The following MYO10 variants were observed in gnomAD, a reference collection of about 807,000 sequenced individuals.
MYO10 encodes the protein unconventional myosin-X.
MYO10 carries 133 observed loss-of-function variants against 257.3 expected under a neutral mutation model. The ratio of observed to expected loss-of-function variants is 0.52; its 90% CI spans 0.45 to 0.60. The LOEUF (loss-of-function observed/expected upper bound fraction) is 0.60. Ranked by LOEUF, MYO10 falls within the 20% of genes least tolerant of loss-of-function variation. The probability of loss-of-function intolerance (pLI) is 0.00; values close to 1 mark genes in which losing one functional copy is unlikely to be tolerated. For missense variants in MYO10, 2,399 were observed against 2,635.7 expected (o/e 0.91, Z 1.97); for synonymous variants, 1,104 against 1,028.6 (o/e 1.07, Z -1.40).
chr5:16,758,415 GT>G (rs1283619052), intron 17 of MYO10, among the ~76,000 whole-genome samples, 189 bp from the exon 18 acceptor site: 1 of 152,298 alleles, frequency 6.6e-6, no homozygotes, highest in Non-Finnish European at 1.5e-5. Flanking sequence ...CTGAAAACAC[GT>G]GGCAGTGTCA....
intron 4 of MYO10, among the ~76,000 whole-genome samples, chr5:16,787,083 C>T (rs2126674519): frequency 6.6e-6 from 1 of 152,238 alleles, no homozygotes; most frequent in South Asian, 2.1e-4. Flanking sequence ...GCAGGAGAAT[C>T]ACTTGAATCC....
At chr5:16,830,171 G>A (rs1743122841) in intron 2 of MYO10, among the ~76,000 whole-genome samples, 1 of 151,964 alleles carries the variant, frequency 6.6e-6, no homozygotes, top group African/African-American at 2.4e-5. Context: ...AGGAGGCAGA[G>A]GTTGCAGTGA....
chr5:16,888,292 T>C (rs1379558535), intron 1 of MYO10, among the ~76,000 whole-genome samples: 1 of 151,412 alleles, frequency 6.6e-6, no homozygotes, highest in African/African-American at 2.5e-5. Context: ...ACTTTGGGAG[T>C]CCAAGGTGGG....
chr5:16,782,472 A>G (rs770512374), intron 5 of MYO10, among the ~76,000 whole-genome samples: 1 of 152,216 alleles, frequency 6.6e-6, no homozygotes, highest in Non-Finnish European at 1.5e-5. Flanking sequence ...AGTTTTGGAG[A>G]CAGATGGCAG....
chr5:16,725,839 G>A (rs936979560), intron 19 of MYO10, among the ~76,000 whole-genome samples: 1 of 150,874 alleles, frequency 6.6e-6, no homozygotes, highest in African/African-American at 2.4e-5. Flanking sequence ...CCATGCTGGA[G>A]TGCAGTGGCG....
At chr5:16,802,170 G>A (rs1742137766) in intron 3 of MYO10, among the ~76,000 whole-genome samples, 1 of 152,156 alleles carries the variant, frequency 6.6e-6, no homozygotes, top group South Asian at 2.1e-4. Context: ...GGTTGCCAGG[G>A]GCTGGAGATG....
At chr5:16,680,703 T>C (rs1462705316) in intron 32 of MYO10, among the ~76,000 whole-genome samples, 2 of 152,240 alleles carry the variant, frequency 1.3e-5, no homozygotes, top group African/African-American at 4.8e-5. Flanking sequence ...CTAAGTTACC[T>C]GTGTACTTTC....
At chr5:16,862,906 A>G (rs1744146917) in intron 2 of MYO10, among the ~76,000 whole-genome samples, 1 of 152,196 alleles carries the variant, frequency 6.6e-6, no homozygotes, top group Non-Finnish European at 1.5e-5. Context: ...ATCTGGACAT[A>G]CAACAGGCTT....
chr5:16,881,389 A>C (rs1380099531), intron 1 of MYO10, among the ~76,000 whole-genome samples: 3 of 152,148 alleles, frequency 2.0e-5, no homozygotes, highest in Non-Finnish European at 4.4e-5. Context: ...AGTACTACAA[A>C]AGCCCTTTGT....
intron 2 of MYO10, among the ~76,000 whole-genome samples, chr5:16,828,098 G>A (rs374718699): frequency 1.6e-4 from 24 of 152,236 alleles, no homozygotes; most frequent in African/African-American, 5.5e-4. Flanking sequence ...ATTGATGTTC[G>A]AATGTATACG....
chr5:16,798,697 C>CT (rs893967323), intron 3 of MYO10, among the ~76,000 whole-genome samples: 20 of 152,154 alleles, frequency 1.3e-4, no homozygotes, highest in African/African-American at 3.1e-4. Context: ...ACATTATTTT[C>CT]TTTTTTCTGC....
chr5:16,871,726 T>C (rs2126756658), intron 2 of MYO10, among the ~76,000 whole-genome samples: 1 of 152,294 alleles, frequency 6.6e-6, no homozygotes. Flanking sequence ...CACAGTGAAC[T>C]TGTAACGTAA....
At chr5:16,747,909 A>C (rs1740248124) in intron 19 of MYO10, among the ~76,000 whole-genome samples, 1 of 128,470 alleles carries the variant, frequency 7.8e-6, no homozygotes, top group Non-Finnish European at 1.6e-5. Flanking sequence ...ACAGAGCGAA[A>C]CTCCGTCTCA....
chr5:16,878,621 A>C (rs1347059212), intron 1 of MYO10, among the ~76,000 whole-genome samples: 2 of 152,242 alleles, frequency 1.3e-5, no homozygotes, highest in African/African-American at 4.8e-5. Context: ...TTCACTGGTC[A>C]AAGAATTACC....
In MYO10 at chr5:16,670,542, G is replaced by A. The variant is rs774971807; in HGVS notation, c.5867C>T (p.Thr1956Met). 3.4e-5 allele frequency: 55 copies of A among 1,608,982 alleles called. No homozygotes were observed. The highest frequency in any genetic ancestry group is 6.7e-5 in the East Asian group (3 of 44,826). Residue 1956 changes from threonine to methionine, a missense_variant, in exon 39 of 41, where the codon ACG (threonine) becomes ATG (methionine). Physicochemically the swap from Thr to Met is moderately conservative, Grantham distance 81. This residue lies in a region of MYO10 where 1,820 missense variants were observed against 1,939.4 expected (regional missense o/e 0.94). Coordinates refer to ENST00000513610, the MANE Select transcript of MYO10 (RefSeq NM_012334.3). ...LIKEWPGYGS[T>M]LFDVECKEGG... is the part of the protein sequence containing the mutation. ...AGTTCTCACCTCCACATCAAACAGC[G>A]TCGAGCCATAGCCAGGCCACTCCTT...
rs538230106 is a variant in MYO10, at chr5:16,935,695, G to A, written c.21+93C>T. On this transcript the variant is annotated intron_variant, in intron 1 of 40. Coordinates refer to ENST00000513610, the MANE Select transcript of MYO10 (RefSeq NM_012334.3). Reference sequence around the variant, plus strand: ...CTCCCAGAAAGTTGCGCCTTCCAGGGCTTAGGAAAAAGTACCCAGGGCGCG... The same window carrying A: ...CTCCCAGAAAGTTGCGCCTTCCAGGACTTAGGAAAAAGTACCCAGGGCGCG... 8.1e-4 allele frequency: 1,225 copies of A among 1,507,728 alleles called. 11 individuals carry two copies. The highest frequency in any genetic ancestry group is 2.0e-4 in the Non-Finnish European group (221 of 1,087,916). The allele number at this position is 1,507,728 out of a possible 1,614,324, so 93.4% of individuals were successfully genotyped here.
intron 2 of MYO10, among the ~76,000 whole-genome samples, chr5:16,863,413 C>T (rs1744158582): frequency 6.6e-6 from 1 of 152,154 alleles, no homozygotes; most frequent in African/African-American, 2.4e-5. Flanking sequence ...CCCCAGAGAC[C>T]TCCTGGTCTC....
intron 1 of MYO10, among the ~76,000 whole-genome samples, chr5:16,898,450 T>C (rs1745274958): frequency 6.6e-6 from 1 of 150,768 alleles, no homozygotes; most frequent in Non-Finnish European, 1.5e-5. Context: ...TTCACTCTTA[T>C]TGCCCAGGCT....
chr5:16,792,303 A>C (rs775037947), intron 4 of MYO10, among the ~76,000 whole-genome samples: 2 of 152,126 alleles, frequency 1.3e-5, no homozygotes, highest in Non-Finnish European at 2.9e-5. Flanking sequence ...AACCCCTGCA[A>C]ATGGCTTTCC....
Sources: gnomAD v4.1 joint callset for allele counts (sites outside exome capture counted in the v4.1 genomes callset) on GRCh38, gnomAD v4.1.1 for gene constraint, gnomAD v4.1.1 regional missense constraint, MANE v1.5 for transcripts, NCBI Gene and HGNC (gene_info 2026-07-23, HGNC 2026-07-21) for gene names.